The following C13orf46 variants were observed in gnomAD, a reference collection of about 807,000 sequenced individuals.
C13orf46 encodes the protein uncharacterized protein C13orf46.
chr13:113,960,461 G>T (rs1038987776), intron 6 of C13orf46, among the ~76,000 whole-genome samples: 1 of 152,254 alleles, frequency 6.6e-6, no homozygotes, highest in East Asian at 1.9e-4. Flanking sequence ...CCCTTGTCAC[G>T]TGTGGTTTGC....
At chr13:113,927,900 T>A in the C13orf46 span, 1 of 324,628 alleles carries the variant, frequency 3.1e-6, no homozygotes, top group South Asian at 1.6e-4. Context: ...AACATGTGCA[T>A]GTGGCCCCAG....
chr13:113,944,612 C>T, the C13orf46 span, among the ~76,000 whole-genome samples: 2 of 149,322 alleles, frequency 1.3e-5, no homozygotes, highest in South Asian at 4.3e-4. Flanking sequence ...GTGACAAGTC[C>T]TCCAGGTGTG....
At chr13:113,943,578 A>G in the C13orf46 span, among the ~76,000 whole-genome samples, 1 of 152,080 alleles carries the variant, frequency 6.6e-6, no homozygotes, top group African/African-American at 2.4e-5. Flanking sequence ...GTCTGTGTGG[A>G]CGTTAATGCT....
At chr13:113,951,503 G>T (rs955131704), downstream of C13orf46, among the ~76,000 whole-genome samples, 1 of 149,242 alleles carries the variant, frequency 6.7e-6, no homozygotes. Context: ...CTGCCCACTC[G>T]GGGGAGATCC....
the C13orf46 span, among the ~76,000 whole-genome samples, chr13:113,934,778 C>G: frequency 6.6e-6 from 1 of 152,234 alleles, no homozygotes; most frequent in Non-Finnish European, 1.5e-5. Context: ...GTGAGCCACC[C>G]TGATGGGGTC....
chr13:113,936,399 C>G, the C13orf46 span, among the ~76,000 whole-genome samples: 1 of 152,170 alleles, frequency 6.6e-6, no homozygotes, highest in Non-Finnish European at 1.5e-5. Context: ...TCCTGGCCGC[C>G]TTCCCTTCCA....
intron 6 of C13orf46, among the ~76,000 whole-genome samples, chr13:113,959,628 A>G (rs1483701535): frequency 2.6e-5 from 4 of 152,248 alleles, no homozygotes; most frequent in Non-Finnish European, 5.9e-5. Context: ...CTTAAACATT[A>G]AGGCATACCA....
chr13:113,966,171 G>A (rs1051430950), intron 5 of C13orf46, among the ~76,000 whole-genome samples: 2 of 80,424 alleles, frequency 2.5e-5, no homozygotes, highest in Admixed American at 1.2e-4. Context: ...AGTGGTGATG[G>A]TGATGATGAT....
At chr13:113,937,167 T>C in the C13orf46 span, among the ~76,000 whole-genome samples, 2 of 152,216 alleles carry the variant, frequency 1.3e-5, no homozygotes, top group Admixed American at 6.5e-5. Context: ...CTCGGGTCTC[T>C]TTCACTGCCA....
At chr13:113,946,467 A>G in the C13orf46 span, among the ~76,000 whole-genome samples, 1 of 152,164 alleles carries the variant, frequency 6.6e-6, no homozygotes, top group Non-Finnish European at 1.5e-5. Context: ...TTGACACACA[A>G]TGCTGGCGCA....
chr13:113,955,202 GTGGAGAC>G lies in C13orf46; in HGVS notation c.*1564_*1570del. 4.7e-6 allele frequency: 1 copy of G among 210,992 alleles called. No homozygotes were observed. Among genetic ancestry groups the G allele is most frequent in the Non-Finnish European group, 9.4e-6 (1 of 106,856 alleles). 13.1% of individuals were successfully genotyped at this position (210,992 alleles called of 1,614,324 possible). A position where few individuals can be genotyped will look rare whatever the true frequency, so the allele number is the denominator to read the frequency against. On this transcript the variant is annotated 3_prime_UTR_variant, in exon 7 of 7. Transcript: ENST00000636427. ...ATCTGGTGGAGAGGAGGAGCATCCC[GTGGAGAC>G]GAGGAGCATCCCGTGGAGACGAGGA...
chr13:113,943,509 G>T, the C13orf46 span, among the ~76,000 whole-genome samples: 4 of 152,194 alleles, frequency 2.6e-5, no homozygotes, highest in Non-Finnish European at 4.4e-5. Context: ...CTTATTTGTG[G>T]AGGAGGCCTT....
the C13orf46 span, among the ~76,000 whole-genome samples, chr13:113,929,692 C>T: frequency 2.0e-3 from 308 of 152,314 alleles, 2 homozygotes; most frequent in African/African-American, 7.1e-3. Flanking sequence ...TCCTGGGTGA[C>T]CCGCTGTGCC....
At chr13:113,944,412 T>C in the C13orf46 span, among the ~76,000 whole-genome samples, 1 of 152,242 alleles carries the variant, frequency 6.6e-6, no homozygotes, top group Non-Finnish European at 1.5e-5. Flanking sequence ...GCTTCCTTGC[T>C]GGGTTACCTG....
At position 113,955,161 on chromosome 13, in the gene C13orf46, CGAG is replaced by C. The variant is rs2052513814; in HGVS notation, c.*1609_*1611del. 6.3e-6 allele frequency: 1 copy of C among 158,736 alleles called. No homozygotes were observed. Among genetic ancestry groups the C allele is most frequent in the African/African-American group, 3.7e-5 (1 of 27,170 alleles). 9.8% of individuals were successfully genotyped at this position (158,736 alleles called of 1,614,324 possible). A position where few individuals can be genotyped will look rare whatever the true frequency, so the allele number is the denominator to read the frequency against. ...CATCCGGTGGAGATGAGGAGCATCT[CGAG>C]GAGAGGAGGAGCATCTGGTGGAGAG... On this transcript the variant is annotated 3_prime_UTR_variant, in exon 7 of 7. Transcript: ENST00000636427.
At position 113,968,579 on chromosome 13, in the gene C13orf46, C is replaced by G. The variant is rs1367122601; in HGVS notation, c.408+16G>C. On this transcript the variant is annotated intron_variant, in intron 3 of 6. Transcript: ENST00000636427. ...GGCAAGAGGAAAAAATGCACCGCTC[C>G]TCAGCGTGGCCCAACCTTGGCCTCC... The G allele has an allele frequency of 6.6e-6, 1 of 152,374 alleles. No individual in the cohort carries two copies. Among genetic ancestry groups the G allele is most frequent in the Non-Finnish European group, 1.5e-5 (1 of 68,130 alleles). The allele number at this position is 152,374 out of a possible 1,614,324, so 9.4% of individuals were successfully genotyped here.
chr13:113,930,410 A>G, the C13orf46 span, among the ~76,000 whole-genome samples: 6,322 of 114,970 alleles, frequency 0.055, 421 homozygotes, highest in African/African-American at 0.19. Flanking sequence ...GCGGGGGCGC[A>G]GGAGCACCGA....
the C13orf46 span, chr13:113,927,290 T>A: frequency 5.2e-5 from 19 of 365,376 alleles, no homozygotes; most frequent in Non-Finnish European, 6.8e-5. Flanking sequence ...GGGACCTTCA[T>A]ATGTGGGACA....
chr13:113,931,643 C>G, the C13orf46 span, among the ~76,000 whole-genome samples: 1 of 152,186 alleles, frequency 6.6e-6, no homozygotes, highest in Non-Finnish European at 1.5e-5. Flanking sequence ...TGTTAGGGTT[C>G]ACTCCTTGTC....
Sources: allele counts gnomAD v4.1 joint callset (sites outside exome capture counted in the v4.1 genomes callset), GRCh38; gene constraint gnomAD v4.1.1; transcripts MANE v1.5; gene names NCBI Gene and HGNC (gene_info 2026-07-23, HGNC 2026-07-21).